Variants in KLF7 observed in about 807,000 individuals in gnomAD.
The protein encoded by KLF7 is Krueppel-like factor 7.
A neutral mutation model predicts 27.3 loss-of-function variants in KLF7; 2 were observed. That is an observed-to-expected ratio of 0.07 (90% CI 0.03 to 0.23). The LOEUF is 0.23. KLF7 is among the 10% of genes least tolerant of loss of function. The probability of loss-of-function intolerance (pLI) is 1.00; values close to 1 mark genes in which losing one functional copy is unlikely to be tolerated. For synonymous variants in KLF7, 165 were observed against 162.4 expected (o/e 1.02, Z -0.12); for missense variants, 221 against 394.1 (o/e 0.56, Z 3.72).
At chr2:207,122,188 G>GGT (rs2077358443) in intron 2 of KLF7, 1 of 152,214 alleles carries the variant, frequency 6.6e-6, no homozygotes, top group Non-Finnish European at 1.5e-5. Flanking sequence ...CATTAGCCTT[G>GGT]GTGTGTGTAT....
chr2:207,124,655 A>G (rs1476261594), intron 1 of KLF7, among the ~76,000 whole-genome samples: 1 of 152,208 alleles, frequency 6.6e-6, no homozygotes, highest in Non-Finnish European at 1.5e-5. Context: ...ACTATCTCAT[A>G]CCTTCGAGAT....
intron 2 of KLF7, 27 bp downstream of exon 2, chr2:207,123,747 C>T (rs749062565): frequency 6.3e-7 from 1 of 1,589,672 alleles, no homozygotes; most frequent in Non-Finnish European, 8.6e-7. Flanking sequence ...AAAGAAGAAA[C>T]CACGTGCGGC....
At chr2:207,081,286 G>A (rs775447716) in intron 3 of KLF7, 22 bp from the exon 4 acceptor site, 3 of 1,600,366 alleles carry the variant, frequency 1.9e-6, no homozygotes, top group South Asian at 2.2e-5. Flanking sequence ...AAACAACAAG[G>A]ATATTAGAGA....
At chr2:207,170,561 C>T (rs532828593), upstream of KLF7, among the ~76,000 whole-genome samples, 39 of 152,300 alleles carry the variant, frequency 2.6e-4, no homozygotes, top group Admixed American at 1.2e-3. Flanking sequence ...GGCTTCAAAA[C>T]TTCAAAGGAC....
At chr2:207,118,918 T>C (rs2077262751) in intron 2 of KLF7, among the ~76,000 whole-genome samples, 1 of 152,240 alleles carries the variant, frequency 6.6e-6, no homozygotes, top group Non-Finnish European at 1.5e-5. Flanking sequence ...CACCTTTTCA[T>C]TTGAAAATAA....
intron 1 of KLF7, among the ~76,000 whole-genome samples, chr2:207,160,768 C>G (rs1559171855): frequency 6.6e-6 from 1 of 152,200 alleles, no homozygotes. Flanking sequence ...AGTAGAGAGG[C>G]AAATTAGCCC....
intron 1 of KLF7, among the ~76,000 whole-genome samples, chr2:207,126,072 A>G (rs2105995813): frequency 6.6e-6 from 1 of 152,276 alleles, no homozygotes; most frequent in East Asian, 1.9e-4. Flanking sequence ...AATAGCTCTG[A>G]CTCAGTAGCT....
chr2:207,165,594 G>A lies in KLF7; in HGVS notation c.-26C>T. The A allele has an allele frequency of 6.2e-7, 1 of 1,612,596 alleles. No homozygotes were observed. Among genetic ancestry groups the A allele is most frequent in the Non-Finnish European group, 8.5e-7 (1 of 1,179,964 alleles). On this transcript the variant is annotated 5_prime_UTR_variant, in exon 1 of 4. Coordinates refer to ENST00000309446, the MANE Select transcript of KLF7 (RefSeq NM_003709.4). ...GCTGCTGCTGCCGGGCAAAACGGGA[G>A]GCGAAACCCTCCCCCGAACACAGTT...
At chr2:207,165,428 G>A (rs2078679314) in intron 1 of KLF7, 39 bp downstream of exon 1, 1 of 1,613,286 alleles carries the variant, frequency 6.2e-7, no homozygotes, top group Non-Finnish European at 8.5e-7. Flanking sequence ...CGTCTCCGCC[G>A]CCACCACACG....
intron 1 of KLF7, among the ~76,000 whole-genome samples, chr2:207,143,408 C>G (rs1297591108): frequency 6.6e-6 from 1 of 150,628 alleles, no homozygotes. Flanking sequence ...AAAAAAAAAT[C>G]CCTCCATTTA....
At position 207,079,725 on chromosome 2, in the gene KLF7, G is replaced by C. The variant is rs1343491220; in HGVS notation, c.*1488C>G. ...GCCTCTGTTAATCCTGGGGGTTCTA[G>C]GTCACAAGTCATGGTGGGCCTAGCC... is the stretch of plus-strand genomic sequence containing the variant. On this transcript the variant is annotated 3_prime_UTR_variant, in exon 4 of 4. Coordinates refer to ENST00000309446, the MANE Select transcript of KLF7 (RefSeq NM_003709.4). 1 of 149,252 alleles carries C rather than the reference G, an allele frequency of 6.7e-6. No individual in the cohort carries two copies. Among genetic ancestry groups the C allele is most frequent in the East Asian group, 1.9e-4 (1 of 5,176 alleles). 9.2% of individuals were successfully genotyped at this position (149,252 alleles called of 1,614,324 possible). A position where few individuals can be genotyped will look rare whatever the true frequency, so the allele number is the denominator to read the frequency against.
At chr2:207,111,755 A>C (rs1047052404) in intron 2 of KLF7, among the ~76,000 whole-genome samples, 2 of 152,176 alleles carry the variant, frequency 1.3e-5, no homozygotes, top group African/African-American at 4.8e-5. Flanking sequence ...GCTCTCCAAG[A>C]AGAGTACGAT....
At chr2:207,163,476 A>T (rs976002910) in intron 1 of KLF7, among the ~76,000 whole-genome samples, 10 of 152,216 alleles carry the variant, frequency 6.6e-5, no homozygotes. Flanking sequence ...GATCTAATAC[A>T]TCCTCTAGTT....
chr2:207,134,470 G>A (rs2077729584), intron 1 of KLF7, among the ~76,000 whole-genome samples: 1 of 152,068 alleles, frequency 6.6e-6, no homozygotes, highest in African/African-American at 2.4e-5. Flanking sequence ...AACTTCCACT[G>A]CGGAATGTTA....
At chr2:207,107,805 C>T (rs1368894098) in intron 2 of KLF7, among the ~76,000 whole-genome samples, 1 of 152,204 alleles carries the variant, frequency 6.6e-6, no homozygotes, top group Non-Finnish European at 1.5e-5. Flanking sequence ...GAGCAGGTGA[C>T]CTCTCAAACC....
At chr2:207,084,932 G>A (rs2076351995) in intron 3 of KLF7, among the ~76,000 whole-genome samples, 1 of 152,014 alleles carries the variant, frequency 6.6e-6, no homozygotes, top group Non-Finnish European at 1.5e-5. Flanking sequence ...GGAGGCTGAG[G>A]TGGGTGGATC....
In KLF7 at chr2:207,076,343, T is replaced by C. The variant is rs538650741; in HGVS notation, c.*4870A>G. 2.0e-5 allele frequency: 3 copies of C among 152,264 alleles called. No individual in the cohort carries two copies. The highest frequency in any genetic ancestry group is 4.2e-4 in the South Asian group (2 of 4,812). The allele number at this position is 152,264 out of a possible 1,614,324, so 9.4% of individuals were successfully genotyped here. ...GAGAGGGAGCCCTGTTTGAAAAGAA[T>C]ATCTTGTTTGGGATATTTGTGAAGT... On this transcript the variant is annotated 3_prime_UTR_variant, in exon 4 of 4. Coordinates refer to ENST00000309446, the MANE Select transcript of KLF7 (RefSeq NM_003709.4).
At position 207,075,345 on chromosome 2, in the gene KLF7, T is replaced by TTATATA. The variant is rs200793904; in HGVS notation, c.*5862_*5867dup. The TTATATA allele has an allele frequency of 4.8e-5, 7 of 146,334 alleles. No individual in the cohort carries two copies. Among genetic ancestry groups the TTATATA allele is most frequent in the Admixed American group, 1.4e-4 (2 of 14,540 alleles). 9.1% of individuals were successfully genotyped at this position (146,334 alleles called of 1,614,324 possible). The stretch of plus-strand genomic sequence containing the variant: ...AAAAAAACTTGACAAAGTAATATAT[T>TTATATA]TATATATATATATATATAAAAAGCT... On this transcript the variant is annotated 3_prime_UTR_variant, in exon 4 of 4. Transcript: ENST00000309446.
At chr2:207,099,573 T>TATATATATATATATA (rs2076714109) in intron 2 of KLF7, among the ~76,000 whole-genome samples, 3 of 130,626 alleles carry the variant, frequency 2.3e-5, no homozygotes, top group East Asian at 2.1e-4. Context: ...TATATATATA[T>TATATATATATATATA]GAAAAGAGAT....
Sources: gnomAD v4.1 joint callset for allele counts (sites outside exome capture counted in the v4.1 genomes callset) on GRCh38, gnomAD v4.1.1 for gene constraint, MANE v1.5 for transcripts, NCBI Gene and HGNC (gene_info 2026-07-23, HGNC 2026-07-21) for gene names.